Variants in OSBPL9 observed in about 807,000 individuals in gnomAD.
OSBPL9 encodes oxysterol binding protein like 9.
OSBPL9 carries 40 observed loss-of-function variants against 106.6 expected under a neutral mutation model. The ratio of observed to expected loss-of-function variants is 0.38; its 90% CI spans 0.29 to 0.49. OSBPL9 has a LOEUF of 0.49. OSBPL9 is among the 20% of genes least tolerant of loss of function. The probability of loss-of-function intolerance (pLI) is 0.97; values close to 1 mark genes in which losing one functional copy is unlikely to be tolerated. For synonymous variants in OSBPL9, 269 were observed against 295.4 expected (o/e 0.91, Z 0.92); for missense variants, 609 against 887.2 (o/e 0.69, Z 3.98).
the OSBPL9 span, among the ~76,000 whole-genome samples, chr1:51,543,246 T>A: frequency 6.6e-6 from 1 of 152,194 alleles, no homozygotes; most frequent in Non-Finnish European, 1.5e-5. Context: ...AAATGCCCAA[T>A]AAAGAGATTT....
At position 51,772,672 on chromosome 1, in the gene OSBPL9, C is replaced by T. The variant is rs1216302111; in HGVS notation, c.1119C>T (p.Ser373=). ...CAGGGTCTGTGGAGGAGCACAAGAG[C>T]GTTATCATGCATCTCTTGTCGCAGG... is the stretch of plus-strand genomic sequence containing the variant. ...AEAGSVEEHK[S]VIMHLLSQVR... is the part of the protein sequence containing the mutation. The change falls in exon 14 of 24, where the codon AGC becomes AGT. Residue 373 remains serine (S), a synonymous_variant. Coordinates refer to ENST00000428468, the MANE Select transcript of OSBPL9 (RefSeq NM_024586.6). 2.5e-6 allele frequency: 4 copies of T among 1,614,116 alleles called. No homozygotes were observed. The highest frequency in any genetic ancestry group is 2.2e-5 in the East Asian group (1 of 44,878).
Position 51,785,839 on chromosome 1 carries a change from A to G in OSBPL9, c.1861A>G (p.Ile621Val). Residue 621 changes from isoleucine to valine, a missense_variant, in exon 21 of 24, where the codon ATT becomes GTT. Ile to Val is a conservative substitution (Grantham distance 29). Around this residue, in one of 5 missense-constraint regions of OSBPL9, gnomAD observed 132 missense variants for 158.1 expected, o/e 0.83. Transcript: ENST00000428468. ...SPNDKKSFCS[I>V]EGEWNGVMYA... ...AAATGACAAGAAGTCTTTTTGCTCA[A>G]TTGAAGGGGAATGGAATGGTGTGAT... The G allele has an allele frequency of 1.9e-6, 3 of 1,608,612 alleles. No homozygotes were observed. The highest frequency in any genetic ancestry group is 2.2e-5 in the East Asian group (1 of 44,804).
At chr1:51,640,935 C>G (rs1645754099) in intron 1 of OSBPL9, among the ~76,000 whole-genome samples, 1 of 151,420 alleles carries the variant, frequency 6.6e-6, no homozygotes, top group South Asian at 2.1e-4. Flanking sequence ...AGGTGTGTGC[C>G]ACCACACCTG....
intron 1 of OSBPL9, among the ~76,000 whole-genome samples, chr1:51,636,206 G>C (rs1383907137): frequency 2.1e-5 from 3 of 140,258 alleles, no homozygotes; most frequent in African/African-American, 2.7e-5. Flanking sequence ...CGTTATCCAG[G>C]CTGGAGTTTA....
chr1:51,746,784 G>A (rs377123633), intron 6 of OSBPL9, 27 bp downstream of exon 6: 15 of 1,575,086 alleles, frequency 9.5e-6, no homozygotes, highest in African/African-American at 6.8e-5. Context: ...TGCTTTTGAC[G>A]TTAAAAATTT....
intron 2 of OSBPL9, among the ~76,000 whole-genome samples, chr1:51,602,287 C>T (rs1342431009): frequency 6.6e-6 from 1 of 151,942 alleles, no homozygotes; most frequent in Admixed American, 6.6e-5. Flanking sequence ...GGATTACAGG[C>T]GTGAGCCACC....
At chr1:51,582,893 G>C (rs775626284) in intron 1 of OSBPL9, 3 of 152,056 alleles carry the variant, frequency 2.0e-5, no homozygotes, top group Non-Finnish European at 4.4e-5. Context: ...TTCGAGACAA[G>C]CCCAGGCAAC....
chr1:51,637,886 T>C (rs1027937758), intron 1 of OSBPL9, among the ~76,000 whole-genome samples: 7 of 152,204 alleles, frequency 4.6e-5, no homozygotes, highest in Non-Finnish European at 7.3e-5. Flanking sequence ...ATCTCCATGT[T>C]AGAGACATAC....
At chr1:51,734,277 TGCCACTTCAATTAAGTTATTCTGC>T (rs1665156763) in intron 4 of OSBPL9, among the ~76,000 whole-genome samples, 1 of 152,208 alleles carries the variant, frequency 6.6e-6, no homozygotes, top group South Asian at 2.1e-4. Flanking sequence ...TCCCAAAATG[TGCCACTTCAATTAAGTTATTCTGC>T]TTACTCCGTT....
chr1:51,714,011 G>A lies in OSBPL9; in HGVS notation c.250G>A (p.Ala84Thr). 6.2e-7 allele frequency: 1 copy of A among 1,606,898 alleles called. No homozygotes were observed. The highest frequency in any genetic ancestry group is 8.5e-7 in the Non-Finnish European group (1 of 1,176,004). ...QKTFHFQARDADEREKWIHAL... is the reference protein window; with the variant it reads ...QKTFHFQARDTDEREKWIHAL... ...ATAATCTTTTATTCCAGCCCGTGAT[G>A]CTGATGAGCGAGAGAAGTGGATCCA... Residue 84 changes from alanine (A) to threonine (T), a missense_variant, in exon 4 of 24, where the codon GCT becomes ACT. Around this residue, in one of 5 missense-constraint regions of OSBPL9, gnomAD observed 72 missense variants for 140.5 expected, o/e 0.51. Coordinates refer to ENST00000428468, the MANE Select transcript of OSBPL9 (RefSeq NM_024586.6).
At chr1:51,628,534 A>C (rs1472330043) in intron 1 of OSBPL9, among the ~76,000 whole-genome samples, 1 of 151,792 alleles carries the variant, frequency 6.6e-6, no homozygotes, top group East Asian at 2.0e-4. Context: ...CAGGGAGCTG[A>C]GATTGCGCCA....
chr1:51,523,049 G>C, the OSBPL9 span, among the ~76,000 whole-genome samples: 1 of 151,742 alleles, frequency 6.6e-6, no homozygotes, highest in South Asian at 2.1e-4. Context: ...ATGAGCCCAG[G>C]AGTTCAAGAC....
chr1:51,669,837 G>A (rs995391077), intron 3 of OSBPL9: 5 of 494,762 alleles, frequency 1.0e-5, no homozygotes, highest in Admixed American at 2.3e-5. Flanking sequence ...CTTTATCAAG[G>A]AGTATGGTTC....
At chr1:51,755,469 A>G (rs1346936408) in intron 8 of OSBPL9, among the ~76,000 whole-genome samples, 1 of 152,200 alleles carries the variant, frequency 6.6e-6, no homozygotes, top group Non-Finnish European at 1.5e-5. Context: ...GAAAAGTAAT[A>G]TGCGTTCAAT....
intron 3 of OSBPL9, among the ~76,000 whole-genome samples, chr1:51,711,943 A>G (rs2148887669): frequency 6.6e-6 from 1 of 151,422 alleles, no homozygotes; most frequent in Admixed American, 6.6e-5. Flanking sequence ...GCAGCCAGGC[A>G]GAGGGGCTCC....
chr1:51,553,602 G>A, the OSBPL9 span, among the ~76,000 whole-genome samples: 1 of 152,124 alleles, frequency 6.6e-6, no homozygotes, highest in African/African-American at 2.4e-5. Context: ...ACAGCAGATA[G>A]TCTGACACAC....
chr1:51,616,015 T>TG (rs1200787962), upstream of OSBPL9, among the ~76,000 whole-genome samples: 8 of 146,812 alleles, frequency 5.4e-5, no homozygotes, highest in African/African-American at 1.0e-4. Context: ...TTTTTTTTTT[T>TG]TTTTTTTTTT....
intron 4 of OSBPL9, among the ~76,000 whole-genome samples, chr1:51,728,844 A>G (rs964506915): frequency 4.6e-5 from 7 of 152,170 alleles, no homozygotes; most frequent in African/African-American, 1.4e-4. Flanking sequence ...CTGTTTGTGC[A>G]GTGTGCCCTG....
chr1:51,750,183 G>C lies in OSBPL9; in HGVS notation c.531G>C (p.Leu177=). ...VESIKHCIVL[L]QIAKDQSNAE... ...CAATTAAACACTGCATTGTGTTGCT[G>C]CAGATTGCCAAAGTAAGTAAATTTT... The change falls in exon 8 of 24, where the codon CTG becomes CTC. Residue 177 remains leucine, a synonymous_variant. Coordinates refer to ENST00000428468, the MANE Select transcript of OSBPL9 (RefSeq NM_024586.6). The C allele has an allele frequency of 6.2e-7, 1 of 1,605,654 alleles. No homozygotes were observed. The highest frequency in any genetic ancestry group is 2.3e-5 in the East Asian group (1 of 44,324).
Sources: allele counts gnomAD v4.1 joint callset (sites outside exome capture counted in the v4.1 genomes callset), GRCh38; gene constraint gnomAD v4.1.1; regional missense constraint gnomAD v4.1.1; transcripts MANE v1.5; gene names NCBI Gene and HGNC (gene_info 2026-07-23, HGNC 2026-07-21).